The following RNF14 variants were observed in gnomAD, a reference collection of about 807,000 sequenced individuals.
The protein encoded by RNF14 is E3 ubiquitin-protein ligase RNF14.
RNF14 carries 26 observed loss-of-function variants against 52.6 expected under a neutral mutation model. That is an observed-to-expected ratio of 0.49 (90% CI 0.36 to 0.69). The LOEUF (loss-of-function observed/expected upper bound fraction) is 0.69, where lower values mean the gene tolerates loss of function less well. Ranked by LOEUF, RNF14 falls within the 30% of genes least tolerant of loss-of-function variation. The pLI is 0.00. For missense variants in RNF14, 404 were observed against 560.4 expected (o/e 0.72, Z 2.82); for synonymous variants, 194 against 202.0 (o/e 0.96, Z 0.34).
chr5:141,951,839 C>G, the RNF14 span, among the ~76,000 whole-genome samples: 5 of 152,206 alleles, frequency 3.3e-5, no homozygotes, highest in African/African-American at 1.2e-4. Context: ...CTGGGCCTGT[C>G]CCCTCATACT....
upstream of RNF14, among the ~76,000 whole-genome samples, chr5:141,961,895 G>A (rs187233697): frequency 9.9e-5 from 15 of 152,270 alleles, no homozygotes; most frequent in East Asian, 5.8e-4. Flanking sequence ...CGAATGTCCC[G>A]CTGGGCTGGC....
At chr5:141,984,691 G>A (rs879112519) in intron 7 of RNF14, 112 bp from the exon 8 acceptor site, 2 of 914,712 alleles carry the variant, frequency 2.2e-6, no homozygotes, top group East Asian at 4.9e-5. Context: ...TCTCAACCCT[G>A]CATAAGAAAA....
At chr5:141,956,990 G>C (rs753244148), upstream of RNF14, 21 of 1,614,088 alleles carry the variant, frequency 1.3e-5, no homozygotes, top group Middle Eastern at 1.6e-4. Context: ...ACCTCTGGAG[G>C]CATGTGCTTA....
chr5:141,971,563 TTTTC>T (rs746341507), intron 2 of RNF14, among the ~76,000 whole-genome samples: 7,087 of 54,452 alleles, frequency 0.13, 206 homozygotes, highest in Non-Finnish European at 0.14. Context: ...GCTAATTTCT[TTTTC>T]TTTCTTTCTT....
At chr5:141,956,879 T>C, upstream of RNF14, 1 of 1,614,218 alleles carries the variant, frequency 6.2e-7, no homozygotes, top group Non-Finnish European at 8.5e-7. Flanking sequence ...CCCAGGTCCC[T>C]TGCCTGAACA....
rs762537853 is a variant in RNF14 at position 141,978,659 on chromosome 5, T to C, written c.663T>C (p.Ser221=). 1.2e-5 allele frequency: 19 copies of C among 1,613,918 alleles called. No homozygotes were observed. Among genetic ancestry groups the C allele is most frequent in the Non-Finnish European group, 1.5e-5 (18 of 1,179,882 alleles). Residue 221 remains serine, a synonymous_variant, in exon 5 of 9, where the codon AGT becomes AGC. Coordinates refer to ENST00000394520, the MANE Select transcript of RNF14 (RefSeq NM_004290.5). ...KCFNSKLFLC[S]ICFCEKLGSE... is the part of the protein sequence containing the mutation. ...TTAATAGTAAATTGTTCCTGTGCAG[T>C]ATCTGTTTCTGTGAGAAGCTGGGTA...
Position 141,989,273 on chromosome 5 carries a change from G to GTTT in RNF14, c.*1483_*1484insTTT, listed in dbSNP as rs1755468501. 1 of 152,004 alleles carries GTTT rather than the reference G, an allele frequency of 6.6e-6. No individual in the cohort carries two copies. The highest frequency in any genetic ancestry group is 2.1e-4 in the South Asian group (1 of 4,812). The allele number at this position is 152,004 out of a possible 1,614,324, so 9.4% of individuals were successfully genotyped here. A position where few individuals can be genotyped will look rare whatever the true frequency, so the allele number is the denominator to read the frequency against. On this transcript the variant is annotated 3_prime_UTR_variant, in exon 9 of 9. Transcript: ENST00000394520. ...GGCATATAACATATTCTTAAAGTAA[G>GTTT]AAAAAAAAGGTCACAGAATAGCATC...
At chr5:141,978,215 C>T in intron 4 of RNF14, 88 bp from the exon 5 acceptor site, 1 of 1,196,736 alleles carries the variant, frequency 8.4e-7, no homozygotes, top group Non-Finnish European at 1.2e-6. Context: ...GCCTAACTTG[C>T]AAGTGGAAAA....
rs1056177145 is a variant in RNF14, at chr5:141,973,482, C to T, written c.-6-101C>T. 82 of 907,152 alleles carry T rather than the reference C, an allele frequency of 9.0e-5. 1 individual carries two copies. Among genetic ancestry groups the T allele is most frequent in the Admixed American group, 7.2e-4 (26 of 36,052 alleles). 56.2% of individuals were successfully genotyped at this position (907,152 alleles called of 1,614,324 possible). ...TGAACTCCTGACCTCAGGTGATCCG[C>T]CCGCCTCGGCCTCCCAAAGTGTTGG... On this transcript the variant is annotated intron_variant, in intron 2 of 8. Coordinates refer to ENST00000394520, the MANE Select transcript of RNF14 (RefSeq NM_004290.5).
At chr5:141,955,066 C>T (rs373091541), upstream of RNF14, 37 of 1,614,080 alleles carry the variant, frequency 2.3e-5, no homozygotes, top group South Asian at 1.3e-4. This position sits in a 1 kb window ranked among gnomAD's most constrained non-coding sequence, Gnocchi z 5.5. Context: ...CAGGATCTGA[C>T]GGGGCCCTGA....
At chr5:141,955,392 CG>C (rs1561535934), upstream of RNF14, 1 of 1,613,938 alleles carries the variant, frequency 6.2e-7, no homozygotes. This position sits in a 1 kb window ranked among gnomAD's most constrained non-coding sequence, Gnocchi z 5.5. Flanking sequence ...TGTACAGGGT[CG>C]GGGTGAGGTG....
chr5:141,971,599 CTTTCTTTCTTTCCTTTCTTTCTT>C (rs1561544644), intron 2 of RNF14, among the ~76,000 whole-genome samples: 6 of 69,648 alleles, frequency 8.6e-5, no homozygotes, highest in African/African-American at 3.3e-4. Flanking sequence ...TTCTTTCTTT[CTTTCTTTCTTTCCTTTCTTTCTT>C]CTTTCTTTCT....
At chr5:141,949,551 G>A in the RNF14 span, 2 of 1,614,176 alleles carry the variant, frequency 1.2e-6, no homozygotes, top group Non-Finnish European at 1.7e-6. Context: ...TCCAGCCCTT[G>A]CACTTGGGCC....
upstream of RNF14, chr5:141,956,830 T>C: frequency 1.2e-6 from 2 of 1,614,244 alleles, no homozygotes; most frequent in Middle Eastern, 3.3e-4. Context: ...ATCCAGAACC[T>C]TGATGAGAAC....
chr5:141,956,079 G>A (rs1299794234), upstream of RNF14: 1 of 1,614,032 alleles, frequency 6.2e-7, no homozygotes, highest in African/African-American at 1.3e-5. Context: ...GAGTCTCGAT[G>A]GGCACCAGCA....
the RNF14 span, among the ~76,000 whole-genome samples, chr5:141,952,098 T>C: frequency 6.6e-6 from 1 of 152,186 alleles, no homozygotes; most frequent in Non-Finnish European, 1.5e-5. Context: ...ACTTAATAAG[T>C]GCCAGGCAGG....
At chr5:141,982,046 A>G (rs1754835819) in intron 6 of RNF14, among the ~76,000 whole-genome samples, 1 of 152,182 alleles carries the variant, frequency 6.6e-6, no homozygotes, top group Non-Finnish European at 1.5e-5. Flanking sequence ...GAACTTAGCA[A>G]TGTATAATAT....
At chr5:141,956,959 T>G, upstream of RNF14, 1 of 1,614,208 alleles carries the variant, frequency 6.2e-7, no homozygotes, top group Non-Finnish European at 8.5e-7. Context: ...TGTCTTGGCA[T>G]CAATACTGAA....
rs1242213818 is a variant in RNF14, at chr5:141,988,426, G to A, written c.*636G>A. On this transcript the variant is annotated 3_prime_UTR_variant, in exon 9 of 9. Coordinates refer to ENST00000394520, the MANE Select transcript of RNF14 (RefSeq NM_004290.5). Reference sequence around the variant, plus strand: ...ATGTTTTAATACCACAAACACTGTGGGGCACTTGATATTTATTAGTGGTGT... The same window carrying A: ...ATGTTTTAATACCACAAACACTGTGAGGCACTTGATATTTATTAGTGGTGT... The A allele has an allele frequency of 6.6e-6, 1 of 152,210 alleles. No homozygotes were observed. The highest frequency in any genetic ancestry group is 1.5e-5 in the Non-Finnish European group (1 of 68,020). The allele number at this position is 152,210 out of a possible 1,614,324, so 9.4% of individuals were successfully genotyped here.
Sources: gnomAD v4.1 joint callset for allele counts (sites outside exome capture counted in the v4.1 genomes callset) on GRCh38, gnomAD v4.1.1 for gene constraint, Gnocchi (gnomAD v3.1) non-coding constraint, MANE v1.5 for transcripts, NCBI Gene and HGNC (gene_info 2026-07-23, HGNC 2026-07-21) for gene names.